The following SCARB1 variants were observed in gnomAD, a reference collection of about 807,000 sequenced individuals.
SCARB1 encodes CD36 and LIMPII analogous 1.
A neutral mutation model predicts 57.2 loss-of-function variants in SCARB1; 30 were observed. That is an observed-to-expected ratio of 0.52 (90% CI 0.39 to 0.71). The LOEUF (loss-of-function observed/expected upper bound fraction) is 0.71, where lower values mean the gene tolerates loss of function less well. Among genes scored for constraint, SCARB1 ranks in the 30% least tolerant of loss-of-function variants. The probability of loss-of-function intolerance (pLI) is 0.00; values close to 1 mark genes in which losing one functional copy is unlikely to be tolerated. For missense variants in SCARB1, 543 were observed against 671.2 expected (o/e 0.81, Z 2.11); for synonymous variants, 249 against 268.3 (o/e 0.93, Z 0.70).
At chr12:124,794,316 T>C (rs1255978797) in intron 9 of SCARB1, among the ~76,000 whole-genome samples, 2 of 152,024 alleles carry the variant, frequency 1.3e-5, no homozygotes, top group Admixed American at 6.6e-5. Flanking sequence ...TTTAAAGGGG[T>C]GAGTTTTATG....
At chr12:124,785,814 G>C in intron 11 of SCARB1, 1 of 479,852 alleles carries the variant, frequency 2.1e-6, no homozygotes, top group South Asian at 3.8e-5. Flanking sequence ...CTGTTAAGTG[G>C]CTATTAGAAA....
intron 1 of SCARB1, among the ~76,000 whole-genome samples, chr12:124,844,741 G>C (rs374272658): frequency 6.6e-6 from 1 of 152,128 alleles, no homozygotes; most frequent in Non-Finnish European, 1.5e-5. Context: ...TCAGACTTCC[G>C]GCCTCCAGAA....
intron 7 of SCARB1, among the ~76,000 whole-genome samples, chr12:124,804,246 A>G (rs1335625754): frequency 1.3e-5 from 2 of 152,206 alleles, no homozygotes; most frequent in Non-Finnish European, 2.9e-5. Context: ...TGCTGGAGTG[A>G]AGGAAACACA....
rs538035378 is a variant in SCARB1, at chr12:124,800,365, G to A, written c.1010-123C>T. ...CCCCGTGGCGATGACAAGATAACCA[G>A]ACAGAGAGGATCCCTTCCTCCATTC... is the stretch of plus-strand genomic sequence containing the variant. On this transcript the variant is annotated intron_variant, in intron 7 of 12. Transcript: ENST00000261693. The surrounding 1 kb of genome is among the most constrained non-coding windows in gnomAD (Gnocchi z 4.8). The A allele has an allele frequency of 1.0e-5, 7 of 687,656 alleles. No homozygotes were observed. In the African/African-American group the frequency reaches 1.2e-4, roughly 12 times the overall value. 42.6% of individuals were successfully genotyped at this position (687,656 alleles called of 1,614,324 possible).
Position 124,786,016 on chromosome 12 carries a change from G to A in SCARB1, c.1401+341C>T, listed in dbSNP as rs369261890. ...TCAGCTGTCTCCTCTACTGCTGTAC[G>A]TCCCCTCGCCCCTAACAGAACCTGG... On this transcript the variant is annotated intron_variant, in intron 11 of 12. Transcript: ENST00000261693. 39 of 1,465,886 alleles carry A rather than the reference G, an allele frequency of 2.7e-5. 1 individual carries two copies. The African/African-American group carries it at 3.2e-4, about 12-fold the overall frequency. The allele number at this position is 1,465,886 out of a possible 1,614,324, so 90.8% of individuals were successfully genotyped here.
At chr12:124,825,342 G>A (rs981481190) in intron 1 of SCARB1, among the ~76,000 whole-genome samples, 2 of 151,722 alleles carry the variant, frequency 1.3e-5, no homozygotes, top group African/African-American at 4.8e-5. Context: ...TCCTAAGTGT[G>A]CAAGAAAGCG....
intron 1 of SCARB1, among the ~76,000 whole-genome samples, chr12:124,848,328 C>T (rs1377342483): frequency 2.0e-5 from 3 of 152,230 alleles, no homozygotes; most frequent in South Asian, 2.1e-4. Context: ...GTGATCCACC[C>T]GCCTCGGCCT....
chr12:124,797,119 TCTC>T (rs1336206460), intron 8 of SCARB1, among the ~76,000 whole-genome samples: 2 of 152,062 alleles, frequency 1.3e-5, no homozygotes, highest in Non-Finnish European at 2.9e-5. Flanking sequence ...CTAGACAACA[TCTC>T]CTACATGTTG....
intron 9 of SCARB1, among the ~76,000 whole-genome samples, chr12:124,787,949 A>G (rs1481990481): frequency 6.6e-6 from 1 of 152,220 alleles, no homozygotes; most frequent in Admixed American, 6.5e-5. Context: ...AGTATTTGTT[A>G]TAATTACCCT....
intron 1 of SCARB1, among the ~76,000 whole-genome samples, chr12:124,855,707 C>T (rs574255179): frequency 2.0e-5 from 3 of 152,338 alleles, no homozygotes; most frequent in Admixed American, 2.0e-4. Context: ...CCGAACTCTC[C>T]TCCACAGAAT....
intron 6 of SCARB1, among the ~76,000 whole-genome samples, chr12:124,809,948 C>T (rs1317861354): frequency 6.6e-6 from 1 of 152,244 alleles, no homozygotes; most frequent in Non-Finnish European, 1.5e-5. Context: ...CCAGCACCAC[C>T]TGGCTGCAAA....
chr12:124,811,953 C>T lies in SCARB1; in HGVS notation c.643G>A (p.Asp215Asn), dbSNP rs780989061. Residue 215 changes from aspartate (D) to asparagine (N), a missense_variant, in exon 5 of 13, where the codon GAC (aspartate) becomes AAC (asparagine). Asp to Asn is a conservative substitution (Grantham distance 23). Transcript: ENST00000261693. ...GTGAACACCGTGAAGAGCCCAGAGT[C>T]GGAGTTGTTGAGCTACAGACACAGC... ...FGLFAELNNS[D>N]SGLFTVFTGV... 8.2e-5 allele frequency: 132 copies of T among 1,612,276 alleles called. No individual in the cohort carries two copies. The highest frequency in any genetic ancestry group is 3.3e-4 in the Middle Eastern group (2 of 6,080).
At chr12:124,826,606 G>A (rs906705257) in intron 1 of SCARB1, among the ~76,000 whole-genome samples, 1 of 151,782 alleles carries the variant, frequency 6.6e-6, no homozygotes, top group Non-Finnish European at 1.5e-5. Flanking sequence ...CACCACGCCC[G>A]GCTATTTTTT....
intron 1 of SCARB1, among the ~76,000 whole-genome samples, chr12:124,818,811 AATTTTTGTTTTAGTTTTT>A (rs1950835761): frequency 6.6e-6 from 1 of 151,890 alleles, no homozygotes; most frequent in South Asian, 2.1e-4. Context: ...ATACCTGGTT[AATTTTTGTTTTAGTTTTT>A]GTTTTTGTTT....
At chr12:124,791,450 G>C (rs1334313031) in intron 9 of SCARB1, among the ~76,000 whole-genome samples, 1 of 152,128 alleles carries the variant, frequency 6.6e-6, no homozygotes, top group Non-Finnish European at 1.5e-5. Flanking sequence ...ACTCTAGGGA[G>C]GATTCAATGC....
intron 1 of SCARB1, among the ~76,000 whole-genome samples, chr12:124,829,955 G>A (rs563559541): frequency 9.8e-5 from 15 of 152,294 alleles, no homozygotes; most frequent in South Asian, 2.1e-4. Flanking sequence ...CCTGCTGCCC[G>A]GAATTCAGTC....
chr12:124,783,084 G>A (rs551205134), intron 11 of SCARB1: 2 of 447,040 alleles, frequency 4.5e-6, no homozygotes, highest in East Asian at 4.4e-5. Context: ...GAGGAAGCAA[G>A]GTGGGGAGAT....
At chr12:124,799,046 A>G (rs138205758) in intron 8 of SCARB1, among the ~76,000 whole-genome samples, 122 of 152,294 alleles carry the variant, frequency 8.0e-4, no homozygotes, top group African/African-American at 2.8e-3. Flanking sequence ...AGTGAATAGC[A>G]ATGTATTGTA....
At position 124,810,090 on chromosome 12, in the gene SCARB1, G is replaced by T; in HGVS notation, c.842+84C>A. On this transcript the variant is annotated intron_variant, in intron 6 of 12. Coordinates refer to ENST00000261693, the MANE Select transcript of SCARB1 (RefSeq NM_005505.5). The surrounding 1 kb of genome is among the most constrained non-coding windows in gnomAD (Gnocchi z 4.0). The stretch of plus-strand genomic sequence containing the variant: ...AGTCAAATCCACGATGAGTCAAAAT[G>T]CTTTCCAAGTGCACAGCCAACACCA... The T allele has an allele frequency of 1.2e-6, 1 of 849,158 alleles. No individual in the cohort carries two copies. Among genetic ancestry groups the T allele is most frequent in the Non-Finnish European group, 2.0e-6 (1 of 503,102 alleles). 52.6% of individuals were successfully genotyped at this position (849,158 alleles called of 1,614,324 possible). A position where few individuals can be genotyped will look rare whatever the true frequency, so the allele number is the denominator to read the frequency against.
Sources: gnomAD v4.1 joint callset for allele counts (sites outside exome capture counted in the v4.1 genomes callset) on GRCh38, gnomAD v4.1.1 for gene constraint, Gnocchi (gnomAD v3.1) non-coding constraint, MANE v1.5 for transcripts, NCBI Gene and HGNC (gene_info 2026-07-23, HGNC 2026-07-21) for gene names.